Variants in PTPRR observed in about 807,000 individuals in gnomAD.
PTPRR encodes receptor-type tyrosine-protein phosphatase R.
A neutral mutation model predicts 77.2 loss-of-function variants in PTPRR; 38 were observed. That is an observed-to-expected ratio of 0.49 (90% confidence interval 0.38 to 0.65). The LOEUF is 0.65. Ranked by LOEUF, PTPRR falls within the 30% of genes least tolerant of loss-of-function variation. The pLI is 0.00. For missense variants in PTPRR, 744 were observed against 799.2 expected, an observed-to-expected ratio of 0.93 and a Z score of 0.83; for synonymous variants, 299 against 283.1, an observed-to-expected ratio of 1.06 and a Z score of -0.57.
intron 1 of PTPRR, among the ~76,000 whole-genome samples, chr12:70,915,901 T>G (rs1307100712): frequency 3.9e-5 from 6 of 152,192 alleles, no homozygotes; most frequent in African/African-American, 1.2e-4. Context: ...TTTAACTTAT[T>G]TATTTAATCT....
intron 2 of PTPRR, among the ~76,000 whole-genome samples, chr12:70,794,948 A>G (rs1256510422): frequency 6.6e-6 from 1 of 150,870 alleles, no homozygotes; most frequent in East Asian, 1.9e-4. Context: ...CAGCAAGTGG[A>G]TGTCTTCTAG....
chr12:70,754,299 T>G lies in PTPRR; in HGVS notation c.630A>C (p.Lys210Asn), dbSNP rs745776138. 4 of 1,613,016 alleles carry G rather than the reference T, an allele frequency of 2.5e-6. No individual in the cohort carries two copies. The highest frequency in any genetic ancestry group is 3.4e-6 in the Non-Finnish European group (4 of 1,179,668). ...QFGITEVSPE[K>N]NVLQGQHEAD... ...CTTCATGCTGCCCTTGTAAAACATT[T>G]TTCTTTAAAAGCAAAACAGAAAGTC... The change falls in exon 5 of 14, where the codon AAA becomes AAC. Residue 210 changes from lysine (K) to asparagine (N), a missense_variant and splice_region_variant. Around this residue, in one of 3 missense-constraint regions of PTPRR, gnomAD observed 570 missense variants for 573.2 expected, o/e 0.99. Coordinates refer to ENST00000283228, the MANE Select transcript of PTPRR (RefSeq NM_002849.4).
Position 70,919,673 on chromosome 12 carries a change from G to GTTTTTTTT in PTPRR, c.58+652_58+659dup, listed in dbSNP as rs58439089. 2.9e-4 allele frequency among the ~76,000 whole-genome samples: 32 copies of GTTTTTTTT among 110,074 alleles called. 2 individuals are homozygous for GTTTTTTTT. Among genetic ancestry groups the GTTTTTTTT allele is most frequent in the Non-Finnish European group, 4.4e-4 (23 of 52,354 alleles). 72.2% of individuals were successfully genotyped at this position (110,074 alleles called of 152,430 possible). On this transcript the variant is annotated intron_variant, in intron 1 of 13. Coordinates refer to ENST00000283228, the MANE Select transcript of PTPRR (RefSeq NM_002849.4). The stretch of plus-strand genomic sequence containing the variant: ...GGTTGTCAGCTTTGGAACTGTAATT[G>GTTTTTTTT]TTTTTTTTTTTTTTTTTTTTTTTTT...
intron 2 of PTPRR, among the ~76,000 whole-genome samples, chr12:70,849,121 G>T (rs1476960014): frequency 6.6e-6 from 1 of 152,074 alleles, no homozygotes; most frequent in African/African-American, 2.4e-5. Context: ...GATGTAGGTA[G>T]AATTTATTAG....
At chr12:70,653,501 G>T (rs1185625065) in intron 13 of PTPRR, among the ~76,000 whole-genome samples, 1 of 152,148 alleles carries the variant, frequency 6.6e-6, no homozygotes, top group Non-Finnish European at 1.5e-5. Flanking sequence ...AAGCAATGTA[G>T]GCTGAGTGTT....
chr12:70,754,139 T>C, intron 5 of PTPRR, 52 bp downstream of exon 5: 2 of 1,543,702 alleles, frequency 1.3e-6, no homozygotes, highest in East Asian at 2.3e-5. Flanking sequence ...TACCCACTAA[T>C]ATCAAGCAGT....
intron 6 of PTPRR, among the ~76,000 whole-genome samples, chr12:70,738,241 T>C (rs1266086550): frequency 6.6e-6 from 1 of 152,208 alleles, no homozygotes; most frequent in Non-Finnish European, 1.5e-5. Context: ...TTATTGTAAA[T>C]CATAACATGT....
chr12:70,788,674 C>G (rs1242839635), intron 2 of PTPRR: 1 of 669,710 alleles, frequency 1.5e-6, no homozygotes, highest in Non-Finnish European at 2.6e-6. Flanking sequence ...AAAGATATTT[C>G]CCTAGATATC....
chr12:70,908,366 A>G (rs1893653196), intron 1 of PTPRR, among the ~76,000 whole-genome samples: 1 of 152,178 alleles, frequency 6.6e-6, no homozygotes, highest in African/African-American at 2.4e-5. Flanking sequence ...AAAGAAAAAG[A>G]GGTGTAATTG....
At chr12:70,853,722 C>T (rs1892608119) in intron 2 of PTPRR, among the ~76,000 whole-genome samples, 1 of 152,214 alleles carries the variant, frequency 6.6e-6, no homozygotes, top group African/African-American at 2.4e-5. Flanking sequence ...TCTGGCAGCT[C>T]TAGGGCCCCA....
At chr12:70,872,275 G>T (rs1423322152) in intron 2 of PTPRR, among the ~76,000 whole-genome samples, 1 of 152,048 alleles carries the variant, frequency 6.6e-6, no homozygotes, top group Admixed American at 6.5e-5. Flanking sequence ...TTAGGAACCA[G>T]GGTTATTGAG....
At chr12:70,889,523 G>A (rs1229935474) in intron 2 of PTPRR, among the ~76,000 whole-genome samples, 4 of 152,110 alleles carry the variant, frequency 2.6e-5, no homozygotes, top group Non-Finnish European at 5.9e-5. Context: ...AAAAGTATTT[G>A]CAAAGAATTT....
At chr12:70,838,756 A>G (rs1467717235) in intron 2 of PTPRR, among the ~76,000 whole-genome samples, 1 of 152,164 alleles carries the variant, frequency 6.6e-6, no homozygotes, top group Non-Finnish European at 1.5e-5. Context: ...GGCACCTAGA[A>G]ATGAATCAAA....
chr12:70,797,157 T>A (rs923020694), intron 2 of PTPRR, among the ~76,000 whole-genome samples: 3 of 152,220 alleles, frequency 2.0e-5, no homozygotes, highest in African/African-American at 7.2e-5. Flanking sequence ...TTTGTTTCCC[T>A]GGCTTGAAAT....
At chr12:70,781,804 A>G (rs1422975440) in intron 2 of PTPRR, among the ~76,000 whole-genome samples, 3 of 152,194 alleles carry the variant, frequency 2.0e-5, no homozygotes, top group Non-Finnish European at 4.4e-5. Context: ...TTAAATAACT[A>G]TGACCTTTAT....
At chr12:70,749,395 A>C (rs977008135) in intron 5 of PTPRR, among the ~76,000 whole-genome samples, 77 of 152,198 alleles carry the variant, frequency 5.1e-4, no homozygotes, top group African/African-American at 1.8e-3. Context: ...TTAGGCATTT[A>C]GCACTACAGT....
At chr12:70,695,558 C>T (rs1211089935) in intron 8 of PTPRR, among the ~76,000 whole-genome samples, 5 of 152,130 alleles carry the variant, frequency 3.3e-5, no homozygotes, top group Admixed American at 6.6e-5. Flanking sequence ...AAAACTGACA[C>T]AGGACTATGA....
intron 13 of PTPRR, among the ~76,000 whole-genome samples, chr12:70,647,992 T>G (rs1346652661): frequency 1.3e-5 from 2 of 152,216 alleles, no homozygotes; most frequent in Non-Finnish European, 2.9e-5. Flanking sequence ...AGGATTAGAA[T>G]GTGAACTTCC....
At chr12:70,843,956 C>T (rs1247258442) in intron 2 of PTPRR, among the ~76,000 whole-genome samples, 2 of 151,694 alleles carry the variant, frequency 1.3e-5, no homozygotes, top group Non-Finnish European at 2.9e-5. Flanking sequence ...GCTGGGTTTA[C>T]AGGTGTCTGC....
Sources: gnomAD v4.1 joint callset for allele counts (sites outside exome capture counted in the v4.1 genomes callset) on GRCh38, gnomAD v4.1.1 for gene constraint, gnomAD v4.1.1 regional missense constraint, MANE v1.5 for transcripts, NCBI Gene and HGNC (gene_info 2026-07-23, HGNC 2026-07-21) for gene names.